Variants in ZCCHC17 observed in about 807,000 individuals in gnomAD.
The protein encoded by ZCCHC17 is zinc finger CCHC domain-containing protein 17.
In ZCCHC17, 18 loss-of-function variants were observed where a neutral mutation model predicts 30.6. The observed-to-expected ratio is 0.59, with a 90% CI of 0.41 to 0.87. ZCCHC17 has a LOEUF of 0.87. ZCCHC17 is among the 40% of genes least tolerant of loss of function. The probability of loss-of-function intolerance (pLI) is 0.00; values close to 1 mark genes in which losing one functional copy is unlikely to be tolerated. For missense variants in ZCCHC17, 263 were observed against 284.2 expected (o/e 0.93, Z 0.54); for synonymous variants, 88 against 92.4 (o/e 0.95, Z 0.27).
chr1:31,337,970 A>G (rs1638886671), intron 4 of ZCCHC17, among the ~76,000 whole-genome samples: 1 of 151,796 alleles, frequency 6.6e-6, no homozygotes, highest in African/African-American at 2.4e-5. Context: ...AAGTAGAGAC[A>G]ATTTTTCTTT....
intron 1 of ZCCHC17, among the ~76,000 whole-genome samples, chr1:31,298,538 C>T (rs754173876): frequency 1.3e-5 from 2 of 152,136 alleles, no homozygotes; most frequent in African/African-American, 2.4e-5. Flanking sequence ...GGCGCCTCCA[C>T]TGTGCCCGGC....
intron 7 of ZCCHC17, among the ~76,000 whole-genome samples, chr1:31,352,100 T>A (rs1460616481): frequency 6.6e-6 from 1 of 152,262 alleles, no homozygotes; most frequent in Non-Finnish European, 1.5e-5. Flanking sequence ...GTCTCAGTGA[T>A]TGGAACTCAT....
At chr1:31,301,624 AGAATAAGTGCT>A (rs1406146293) in intron 1 of ZCCHC17, among the ~76,000 whole-genome samples, 1 of 151,992 alleles carries the variant, frequency 6.6e-6, no homozygotes, top group Non-Finnish European at 1.5e-5. Flanking sequence ...GTCGAGTGGT[AGAATAAGTGCT>A]GATCCTGGGG....
At chr1:31,299,319 G>A (rs1164307233) in intron 1 of ZCCHC17, among the ~76,000 whole-genome samples, 1 of 151,092 alleles carries the variant, frequency 6.6e-6, no homozygotes, top group Admixed American at 6.6e-5. Context: ...AGAAATGTAG[G>A]ATGCAAGGAA....
At chr1:31,318,064 A>G in intron 2 of ZCCHC17, 1 of 895,696 alleles carries the variant, frequency 1.1e-6, no homozygotes. Context: ...CATAAGGATT[A>G]TGCAAAGCAT....
intron 1 of ZCCHC17, among the ~76,000 whole-genome samples, chr1:31,298,377 GT>G (rs59616986): frequency 0.56 from 81,879 of 145,744 alleles, 23,245 homozygotes; most frequent in Non-Finnish European, 0.63. Flanking sequence ...TTAGAGACCA[GT>G]TTTTTTTTGT....
chr1:31,332,402 C>T (rs1240051726), intron 3 of ZCCHC17, among the ~76,000 whole-genome samples: 1 of 152,140 alleles, frequency 6.6e-6, no homozygotes, highest in Non-Finnish European at 1.5e-5. Flanking sequence ...ATTAATGTCT[C>T]AACTTTAATA....
At chr1:31,314,463 A>G (rs1418715604) in intron 2 of ZCCHC17, among the ~76,000 whole-genome samples, 4 of 151,814 alleles carry the variant, frequency 2.6e-5, no homozygotes, top group African/African-American at 4.8e-5. Context: ...AAAAAGGTGT[A>G]AGCCTAATCT....
chr1:31,330,090 A>G (rs1638523840), intron 3 of ZCCHC17, among the ~76,000 whole-genome samples: 1 of 152,220 alleles, frequency 6.6e-6, no homozygotes. Context: ...CAAGGGTAAC[A>G]GTGACCTTTT....
chr1:31,362,514 C>T (rs1639946898), intron 7 of ZCCHC17, among the ~76,000 whole-genome samples: 1 of 152,060 alleles, frequency 6.6e-6, no homozygotes, highest in Non-Finnish European at 1.5e-5. Flanking sequence ...TGGGTTTGTA[C>T]TGTTACTTTG....
intron 5 of ZCCHC17, among the ~76,000 whole-genome samples, chr1:31,342,873 T>A (rs1387611778): frequency 6.6e-6 from 1 of 152,178 alleles, no homozygotes; most frequent in Non-Finnish European, 1.5e-5. Flanking sequence ...GATAAGATCT[T>A]GTCAGACAGC....
chr1:31,307,479 G>A (rs1431648851), intron 1 of ZCCHC17, among the ~76,000 whole-genome samples: 1 of 146,448 alleles, frequency 6.8e-6, no homozygotes, highest in East Asian at 2.1e-4. Context: ...GCCCAATCTT[G>A]GCCCACTGCA....
chr1:31,335,097 C>T lies in ZCCHC17; in HGVS notation c.125-2078C>T, dbSNP rs146921939. On this transcript the variant is annotated intron_variant, in intron 3 of 7. Coordinates refer to ENST00000344147, the MANE Select transcript of ZCCHC17 (RefSeq NM_016505.4). Reference sequence around the variant, plus strand: ...TCTCAGTTATGTTTCTGCCCCTTGTCTCTTTCCTCTATTGCTGGGACTTCA... The same window carrying T: ...TCTCAGTTATGTTTCTGCCCCTTGTTTCTTTCCTCTATTGCTGGGACTTCA... Among the ~76,000 whole-genome samples the T allele has an allele frequency of 2.7e-3, 412 of 152,306 alleles. 3 individuals are homozygous for T. The highest frequency in any genetic ancestry group is 9.6e-3 in the African/African-American group (399 of 41,560).
At position 31,364,473 on chromosome 1, in the gene ZCCHC17, T is replaced by C. The variant is rs11436; in HGVS notation, c.*280T>C. 250,479 of 453,152 alleles carry C rather than the reference T, an allele frequency of 0.55. 73,108 individuals carry two copies. Among genetic ancestry groups the C allele is most frequent in the Non-Finnish European group, 0.62 (158,921 of 254,426 alleles). The allele number at this position is 453,152 out of a possible 1,614,324, so 28.1% of individuals were successfully genotyped here. On this transcript the variant is annotated 3_prime_UTR_variant, in exon 8 of 8. Transcript: ENST00000344147. ...CCAACTTCCTTCATTCAGCAGGAGG[T>C]CCTATTACCCTCTCCAGCTGCCACT...
At chr1:31,316,716 C>T (rs1022271741) in intron 2 of ZCCHC17, among the ~76,000 whole-genome samples, 1 of 152,138 alleles carries the variant, frequency 6.6e-6, no homozygotes, top group Admixed American at 6.6e-5. Context: ...TTTGGCTCTA[C>T]CTTGCCTTAA....
intron 7 of ZCCHC17, among the ~76,000 whole-genome samples, chr1:31,359,874 T>C (rs1639800351): frequency 1.3e-5 from 2 of 152,208 alleles, no homozygotes; most frequent in East Asian, 1.9e-4. Flanking sequence ...CCCATTATCT[T>C]CTGTTTCCCT....
chr1:31,322,308 C>T (rs982529342), intron 3 of ZCCHC17, among the ~76,000 whole-genome samples: 2 of 152,132 alleles, frequency 1.3e-5, no homozygotes, highest in African/African-American at 4.8e-5. Context: ...AGATGCCAGC[C>T]CCAATATTGA....
At chr1:31,345,372 G>GGT (rs1639207601) in intron 5 of ZCCHC17, among the ~76,000 whole-genome samples, 1 of 150,526 alleles carries the variant, frequency 6.6e-6, no homozygotes, top group African/African-American at 2.4e-5. Flanking sequence ...TAGCCAGGAT[G>GGT]GTCTCGATCT....
At chr1:31,331,973 CA>C (rs1209175081) in intron 3 of ZCCHC17, among the ~76,000 whole-genome samples, 1 of 152,140 alleles carries the variant, frequency 6.6e-6, no homozygotes, top group Non-Finnish European at 1.5e-5. Context: ...AAAAGTATCT[CA>C]AAATAGTTGT....
Sources: allele counts gnomAD v4.1 joint callset (sites outside exome capture counted in the v4.1 genomes callset), GRCh38; gene constraint gnomAD v4.1.1; transcripts MANE v1.5; gene names NCBI Gene and HGNC (gene_info 2026-07-23, HGNC 2026-07-21).